TBC1D12: variants seen among roughly 807,000 people sequenced by gnomAD.
TBC1D12 encodes TBC1 domain family, member 12.
Under a neutral mutation model 86.7 loss-of-function variants are expected in TBC1D12, and 56 were observed. That is an observed-to-expected ratio of 0.65 (90% CI 0.52 to 0.81). The LOEUF (loss-of-function observed/expected upper bound fraction) is 0.81. Ranked by LOEUF, TBC1D12 falls within the 30% of genes least tolerant of loss-of-function variation. The pLI, the probability that TBC1D12 is intolerant of heterozygous loss-of-function variation, is 0.00. For missense variants in TBC1D12, 1,023 were observed against 1,038.8 expected (o/e 0.98, Z 0.21); for synonymous variants, 421 against 411.7 (o/e 1.02, Z -0.27).
chr10:94,474,779 C>G lies in TBC1D12; in HGVS notation c.1207C>G (p.Pro403Ala), dbSNP rs1311893903. Residue 403 changes from proline to alanine, a missense_variant, in exon 3 of 13, where the codon CCA becomes GCA. Coordinates refer to ENST00000225235, the MANE Select transcript of TBC1D12 (RefSeq NM_015188.2). Reference sequence around the variant, plus strand: ...CACTGCCTTGATTCTTGAGGATCGACCATCGTAAGTATTTTAGTGATAATC... The same window carrying G: ...CACTGCCTTGATTCTTGAGGATCGAGCATCGTAAGTATTTTAGTGATAATC... ...STTALILEDRPSNLPAKSVEE... is the reference protein window; with the variant it reads ...STTALILEDRASNLPAKSVEE... 6.2e-7 allele frequency: 1 copy of G among 1,612,664 alleles called. No homozygotes were observed. Among genetic ancestry groups the G allele is most frequent in the Admixed American group, 1.7e-5 (1 of 59,976 alleles).
At chr10:94,474,857 A>G (rs932156011) in intron 3 of TBC1D12, 74 bp downstream of exon 3, 7 of 1,319,516 alleles carry the variant, frequency 5.3e-6, no homozygotes, top group Non-Finnish European at 6.4e-6. Context: ...ACTATTTTAA[A>G]AGATAGCGAG....
intron 9 of TBC1D12, among the ~76,000 whole-genome samples, chr10:94,513,809 T>C (rs569727486): frequency 6.6e-6 from 1 of 152,266 alleles, no homozygotes; most frequent in African/African-American, 2.4e-5. Flanking sequence ...CCCGCCTGCA[T>C]TGGTCTCCCA....
intron 1 of TBC1D12, among the ~76,000 whole-genome samples, chr10:94,420,204 T>G: frequency 6.6e-6 from 1 of 152,166 alleles, no homozygotes; most frequent in East Asian, 1.9e-4. Context: ...CTTCCCTTTT[T>G]CTGCCCTGCT....
At chr10:94,495,380 G>C (rs1205393023) in intron 4 of TBC1D12, among the ~76,000 whole-genome samples, 2 of 152,016 alleles carry the variant, frequency 1.3e-5, no homozygotes, top group Non-Finnish European at 2.9e-5. Flanking sequence ...TGTTGCCCAG[G>C]CTGGTCTCAA....
At chr10:94,513,909 T>C (rs1240085944) in intron 9 of TBC1D12, among the ~76,000 whole-genome samples, 3 of 152,092 alleles carry the variant, frequency 2.0e-5, no homozygotes, top group African/African-American at 7.2e-5. Context: ...ACAAAGTAAT[T>C]AACCTGCCCA....
chr10:94,522,919 C>T (rs922513681), intron 11 of TBC1D12, among the ~76,000 whole-genome samples: 1 of 151,674 alleles, frequency 6.6e-6, no homozygotes, highest in African/African-American at 2.4e-5. Context: ...TGGCATGCAC[C>T]TGTAATCCCA....
intron 1 of TBC1D12, among the ~76,000 whole-genome samples, chr10:94,436,415 T>G (rs2055297921): frequency 6.6e-6 from 1 of 152,106 alleles, no homozygotes; most frequent in African/African-American, 2.4e-5. Flanking sequence ...ATTACAGGTG[T>G]GAACCACTGT....
intron 2 of TBC1D12, among the ~76,000 whole-genome samples, chr10:94,465,773 C>CAT (rs1491329016): frequency 6.8e-6 from 1 of 146,584 alleles, no homozygotes; most frequent in African/African-American, 2.6e-5. Flanking sequence ...CATACGTATA[C>CAT]GCATACATAC....
At chr10:94,498,756 G>A (rs762930303) in intron 5 of TBC1D12, among the ~76,000 whole-genome samples, 1 of 150,508 alleles carries the variant, frequency 6.6e-6, no homozygotes, top group South Asian at 2.1e-4. Flanking sequence ...GCACCCTACC[G>A]TGATGTGTTT....
chr10:94,403,342 C>A lies in TBC1D12; in HGVS notation c.729C>A (p.Pro243=), dbSNP rs916224461. ...SEQRGVGAGG[P]EEGAPPATSA... ...AGCGGGGAGTCGGCGCCGGGGGTCC[C>A]GAGGAGGGCGCGCCCCCTGCCACCT... Residue 243 remains proline (P), a synonymous_variant, in exon 1 of 13, where the codon CCC becomes CCA. Coordinates refer to ENST00000225235, the MANE Select transcript of TBC1D12 (RefSeq NM_015188.2). 2.6e-6 allele frequency: 4 copies of A among 1,522,572 alleles called. No homozygotes were observed. Among genetic ancestry groups the A allele is most frequent in the East Asian group, 2.7e-5 (1 of 37,296 alleles). 94.3% of individuals were successfully genotyped at this position (1,522,572 alleles called of 1,614,324 possible). A position where few individuals can be genotyped will look rare whatever the true frequency, so the allele number is the denominator to read the frequency against.
At chr10:94,421,655 A>G (rs530112171) in intron 1 of TBC1D12, among the ~76,000 whole-genome samples, 1 of 152,288 alleles carries the variant, frequency 6.6e-6, no homozygotes, top group East Asian at 1.9e-4. Context: ...CCCACTAGCA[A>G]TGAATGAGGG....
At chr10:94,506,615 CCTG>C (rs1564982594) in intron 6 of TBC1D12, among the ~76,000 whole-genome samples, 1 of 151,822 alleles carries the variant, frequency 6.6e-6, no homozygotes, top group African/African-American at 2.4e-5. Flanking sequence ...TTTATGAGAC[CCTG>C]CATATGGGAG....
At chr10:94,428,391 G>A (rs562659825) in intron 1 of TBC1D12, among the ~76,000 whole-genome samples, 1 of 149,498 alleles carries the variant, frequency 6.7e-6, no homozygotes, top group South Asian at 2.1e-4. Flanking sequence ...GGGCTCAAGT[G>A]AGCCTCCCAC....
rs187158472 is a variant in TBC1D12 at position 94,458,503 on chromosome 10, C to A, written c.1096-16165C>A. 3.4e-4 allele frequency among the ~76,000 whole-genome samples: 52 copies of A among 152,236 alleles called. No individual in the cohort carries two copies. In the East Asian group the frequency reaches 6.6e-3, roughly 19 times the overall value. ...AGATCAATTAAGAATAAGAAAAATT[C>A]TTGACCAGCCTGACCAACATGGTGA... On this transcript the variant is annotated intron_variant, in intron 2 of 12. Transcript: ENST00000225235.
intron 3 of TBC1D12, among the ~76,000 whole-genome samples, chr10:94,488,802 G>T (rs1589653159): frequency 2.0e-5 from 3 of 152,156 alleles, no homozygotes; most frequent in East Asian, 3.9e-4. Flanking sequence ...TCATCCAGGA[G>T]CTAGGACCTG....
At chr10:94,404,081 G>T (rs746888080) in intron 1 of TBC1D12, among the ~76,000 whole-genome samples, 44 of 152,206 alleles carry the variant, frequency 2.9e-4, no homozygotes, top group Non-Finnish European at 6.0e-4. Flanking sequence ...TGCTGTGCTT[G>T]CATAGCGTCT....
chr10:94,486,058 CT>C (rs1427157926), intron 3 of TBC1D12, among the ~76,000 whole-genome samples: 9 of 149,412 alleles, frequency 6.0e-5, no homozygotes, highest in Non-Finnish European at 1.0e-4. Flanking sequence ...AAAAAACCAA[CT>C]TTTTGTTTTG....
intron 2 of TBC1D12, among the ~76,000 whole-genome samples, chr10:94,459,943 C>T (rs1337512455): frequency 6.6e-6 from 1 of 152,190 alleles, no homozygotes; most frequent in African/African-American, 2.4e-5. Flanking sequence ...GAGAGGGGCT[C>T]CCACAGTGCA....
At chr10:94,424,194 C>CT (rs147728680) in intron 1 of TBC1D12, among the ~76,000 whole-genome samples, 1,572 of 152,092 alleles carry the variant, frequency 0.01, 27 homozygotes, top group East Asian at 0.06. Context: ...CCACAGATAC[C>CT]AAAGGACAAC....
Sources: allele counts gnomAD v4.1 joint callset (sites outside exome capture counted in the v4.1 genomes callset), GRCh38; gene constraint gnomAD v4.1.1; transcripts MANE v1.5; gene names NCBI Gene and HGNC (gene_info 2026-07-23, HGNC 2026-07-21).